Variants in GPT2 observed in about 807,000 individuals in gnomAD.
GPT2 encodes the protein alanine aminotransferase 2.
GPT2 carries 30 observed loss-of-function variants against 56.9 expected under a neutral mutation model. That is an observed-to-expected ratio of 0.53 (90% CI 0.39 to 0.72). The LOEUF (loss-of-function observed/expected upper bound fraction) is 0.72, where lower values mean the gene tolerates loss of function less well. Ranked by LOEUF, GPT2 falls within the 30% of genes least tolerant of loss-of-function variation. The pLI is 0.00. For synonymous variants in GPT2, 271 were observed against 283.1 expected, an observed-to-expected ratio of 0.96 and a Z score of 0.43; for missense variants, 542 against 703.4, an observed-to-expected ratio of 0.77 and a Z score of 2.60.
chr16:46,897,791 G>A (rs1008211338), intron 3 of GPT2, 54 bp downstream of exon 3: 14 of 1,543,684 alleles, frequency 9.1e-6, no homozygotes, highest in Middle Eastern at 1.8e-4. Context: ...TGGGCTGGGC[G>A]GGCCGTCATA....
At chr16:46,907,126 T>A in intron 5 of GPT2, 151 bp downstream of exon 5, 1 of 963,080 alleles carries the variant, frequency 1.0e-6, no homozygotes, top group South Asian at 1.6e-5. Flanking sequence ...GCCTGCAGTC[T>A]TTGCCTCTTT....
At chr16:46,922,910 CT>C (rs904075638) in intron 9 of GPT2, among the ~76,000 whole-genome samples, 12 of 152,168 alleles carry the variant, frequency 7.9e-5, no homozygotes, top group Non-Finnish European at 1.8e-4. Flanking sequence ...AGGCTCACTT[CT>C]TTTTTAAAAA....
At chr16:46,900,528 T>TA (rs773408910) in intron 3 of GPT2, among the ~76,000 whole-genome samples, 154 bp from the exon 4 acceptor site, 3 of 152,090 alleles carry the variant, frequency 2.0e-5, no homozygotes, top group Admixed American at 6.5e-5. Context: ...CGTCTTCCCC[T>TA]CCCACTCCCA....
chr16:46,918,487 C>T, intron 7 of GPT2, 134 bp from the exon 8 acceptor site: 2 of 996,708 alleles, frequency 2.0e-6, no homozygotes, highest in South Asian at 1.6e-5. Flanking sequence ...TTGGCTCATC[C>T]CTGGAATGGC....
At position 46,916,791 on chromosome 16, in the gene GPT2, G is replaced by A. The variant is rs1961177076; in HGVS notation, c.900+84G>A. 4.3e-6 allele frequency: 4 copies of A among 936,050 alleles called. 1 individual carries two copies. In the South Asian group the frequency reaches 5.2e-5, roughly 12 times the overall value. 58.0% of individuals were successfully genotyped at this position (936,050 alleles called of 1,614,324 possible). A position where few individuals can be genotyped will look rare whatever the true frequency, so the allele number is the denominator to read the frequency against. The stretch of plus-strand genomic sequence containing the variant: ...CCCAGCCCCCATTGTTCTGCAGCCA[G>A]AGAGAACTGTCTTGGTGTTGGAGGA... On this transcript the variant is annotated intron_variant, in intron 7 of 11. Transcript: ENST00000340124.
In GPT2 at chr16:46,897,680, A is replaced by G. The variant is rs939638475; in HGVS notation, c.276A>G (p.Arg92=). 1.9e-6 allele frequency: 3 copies of G among 1,614,142 alleles called. No homozygotes were observed. The highest frequency in any genetic ancestry group is 1.7e-6 in the Non-Finnish European group (2 of 1,179,976). ...GIKKPFTEVI[R]ANIGDAQAMG... is the part of the protein sequence containing the mutation. The stretch of plus-strand genomic sequence containing the variant: ...AAAAGCCATTCACAGAGGTCATCCG[A>G]GCCAACATCGGGGACGCCCAGGCTA... Residue 92 remains arginine, a synonymous_variant, in exon 3 of 12, where the codon CGA becomes CGG. Transcript: ENST00000340124.
At chr16:46,891,680 T>G (rs1960587167) in intron 2 of GPT2, among the ~76,000 whole-genome samples, 3 of 152,110 alleles carry the variant, frequency 2.0e-5, no homozygotes, top group Non-Finnish European at 4.4e-5. Flanking sequence ...GTACATGAGA[T>G]ATTTTGGTAC....
intron 11 of GPT2, among the ~76,000 whole-genome samples, 187 bp downstream of exon 11, chr16:46,927,224 G>A (rs1961435822): frequency 6.6e-6 from 1 of 152,180 alleles, no homozygotes; most frequent in South Asian, 2.1e-4. Flanking sequence ...AGAAAATCTG[G>A]GTGGTTGTCT....
intron 4 of GPT2, among the ~76,000 whole-genome samples, chr16:46,904,670 G>A (rs1283189211): frequency 6.6e-6 from 1 of 152,164 alleles, no homozygotes; most frequent in African/African-American, 2.4e-5. Flanking sequence ...AGGCCTGGGT[G>A]TTCAGGGAAG....
At chr16:46,893,683 C>T (rs1051282910) in intron 2 of GPT2, among the ~76,000 whole-genome samples, 1 of 152,182 alleles carries the variant, frequency 6.6e-6, no homozygotes, top group Non-Finnish European at 1.5e-5. Flanking sequence ...TGGTGCCCTC[C>T]CCTGATCCCT....
At chr16:46,899,037 T>TATA (rs1960762916) in intron 3 of GPT2, among the ~76,000 whole-genome samples, 10 of 67,844 alleles carry the variant, frequency 1.5e-4, no homozygotes, top group African/African-American at 6.1e-4. Flanking sequence ...ATATATATAT[T>TATA]TTTTTTTTTT....
chr16:46,927,080 C>G, intron 11 of GPT2, 43 bp downstream of exon 11: 2 of 1,272,884 alleles, frequency 1.6e-6, no homozygotes, highest in Non-Finnish European at 2.2e-6. Flanking sequence ...CGGGTCTTGT[C>G]CAGGGAAATG....
chr16:46,928,319 C>A (rs1039291401), intron 11 of GPT2, among the ~76,000 whole-genome samples: 6 of 150,832 alleles, frequency 4.0e-5, no homozygotes, highest in Admixed American at 1.3e-4. Context: ...CAGAGTGAGA[C>A]CCTATCTCCA....
At chr16:46,888,626 C>T (rs572946664) in intron 2 of GPT2, among the ~76,000 whole-genome samples, 71 of 151,982 alleles carry the variant, frequency 4.7e-4, no homozygotes, top group Non-Finnish European at 9.0e-4. Flanking sequence ...GGATTACAAG[C>T]GTGAGCCACC....
chr16:46,898,793 G>A (rs1016525944), intron 3 of GPT2, among the ~76,000 whole-genome samples: 13 of 150,134 alleles, frequency 8.7e-5, no homozygotes, highest in African/African-American at 3.2e-4. Flanking sequence ...CAAATGATCC[G>A]CCTGCCTCGG....
At chr16:46,901,398 C>T (rs1960814434) in intron 4 of GPT2, among the ~76,000 whole-genome samples, 1 of 152,158 alleles carries the variant, frequency 6.6e-6, no homozygotes. Context: ...ACAGAGTGGA[C>T]CTGGAACTTG....
At chr16:46,901,241 C>A (rs551493341) in intron 4 of GPT2, among the ~76,000 whole-genome samples, 2 of 152,298 alleles carry the variant, frequency 1.3e-5, no homozygotes, top group African/African-American at 4.8e-5. Flanking sequence ...CACCTTGGGA[C>A]CCCTCCAGCC....
chr16:46,893,298 T>C (rs1160883275), intron 2 of GPT2, among the ~76,000 whole-genome samples: 1 of 152,038 alleles, frequency 6.6e-6, no homozygotes, highest in Non-Finnish European at 1.5e-5. Context: ...GCCTGGCAAA[T>C]TTTTTTGTAT....
intron 7 of GPT2, among the ~76,000 whole-genome samples, chr16:46,918,157 T>C (rs1567341892): frequency 6.6e-6 from 1 of 152,122 alleles, no homozygotes; most frequent in East Asian, 1.9e-4. Flanking sequence ...AAGAACACAA[T>C]GATTCCACTC....
Sources: gnomAD v4.1 joint callset for allele counts (sites outside exome capture counted in the v4.1 genomes callset) on GRCh38, gnomAD v4.1.1 for gene constraint, MANE v1.5 for transcripts, NCBI Gene and HGNC (gene_info 2026-07-23, HGNC 2026-07-21) for gene names.